The following ERBB4 variants were observed in gnomAD, a reference collection of about 807,000 sequenced individuals.
ERBB4 encodes receptor tyrosine-protein kinase erbB-4.
ERBB4 carries 42 observed loss-of-function variants against 158.0 expected under a neutral mutation model. The ratio of observed to expected loss-of-function variants is 0.27; its 90% CI spans 0.21 to 0.34. The LOEUF (loss-of-function observed/expected upper bound fraction) is 0.34, where lower values mean the gene tolerates loss of function less well. Ranked by LOEUF, ERBB4 falls within the 10% of genes least tolerant of loss-of-function variation. The pLI is 1.00. For synonymous variants in ERBB4, 583 were observed against 558.7 expected (o/e 1.04, Z -0.61); for missense variants, 1,333 against 1,624.1 (o/e 0.82, Z 3.08).
At chr2:211,803,504 G>A (rs749635211) in intron 3 of ERBB4, among the ~76,000 whole-genome samples, 1 of 152,124 alleles carries the variant, frequency 6.6e-6, no homozygotes, top group African/African-American at 2.4e-5. Context: ...AATAGAGTGA[G>A]TAGAACTATG....
intron 2 of ERBB4, among the ~76,000 whole-genome samples, chr2:211,975,019 T>C (rs1318980372): frequency 6.6e-6 from 1 of 152,072 alleles, no homozygotes. Context: ...AGCCTTGCTC[T>C]GTCACTCAGG....
At chr2:212,284,923 G>A (rs546800607) in intron 1 of ERBB4, among the ~76,000 whole-genome samples, 43 of 152,160 alleles carry the variant, frequency 2.8e-4, no homozygotes, top group Non-Finnish European at 4.9e-4. Context: ...TGAACTTTCT[G>A]GAGAGAGGTA....
intron 4 of ERBB4, among the ~76,000 whole-genome samples, chr2:211,787,072 T>G (rs982178397): frequency 6.6e-6 from 1 of 152,200 alleles, no homozygotes; most frequent in Non-Finnish European, 1.5e-5. Flanking sequence ...ATTAGGGCCA[T>G]GATGAAATTT....
intron 13 of ERBB4, among the ~76,000 whole-genome samples, chr2:211,678,312 AAC>A (rs1205962475): frequency 8.7e-4 from 10 of 11,538 alleles, no homozygotes; most frequent in African/African-American, 1.3e-3. Flanking sequence ...AAAAAAAACA[AAC>A]AAACAAAAAA....
At chr2:211,725,032 G>A (rs1301949330) in intron 6 of ERBB4, 44 bp downstream of exon 6, 1 of 1,331,272 alleles carries the variant, frequency 7.5e-7, no homozygotes, top group Non-Finnish European at 1.1e-6. Flanking sequence ...AAATAGGGAA[G>A]GAAAGGAGAG....
At chr2:212,342,761 T>C (rs546626428) in intron 1 of ERBB4, among the ~76,000 whole-genome samples, 1 of 152,354 alleles carries the variant, frequency 6.6e-6, no homozygotes, top group African/African-American at 2.4e-5. Flanking sequence ...ATCTCTTTAA[T>C]AAATCATGAA....
chr2:212,380,002 A>G (rs940702870), intron 1 of ERBB4, among the ~76,000 whole-genome samples: 2 of 148,548 alleles, frequency 1.3e-5, no homozygotes, highest in East Asian at 1.9e-4. Flanking sequence ...AGAAAATGCT[A>G]AAGAGTTGTT....
chr2:212,099,758 G>A (rs1332071081), intron 2 of ERBB4, among the ~76,000 whole-genome samples: 1 of 146,028 alleles, frequency 6.8e-6, no homozygotes, highest in Admixed American at 6.8e-5. Context: ...TTCTTTTCAG[G>A]ATGACATTAT....
At chr2:212,052,485 C>A (rs994926975) in intron 2 of ERBB4, among the ~76,000 whole-genome samples, 2 of 152,158 alleles carry the variant, frequency 1.3e-5, no homozygotes, top group African/African-American at 4.8e-5. Context: ...TTCTGTCCCC[C>A]TAGAGAACCA....
At chr2:212,175,582 T>C (rs1212617583) in intron 1 of ERBB4, among the ~76,000 whole-genome samples, 1 of 150,536 alleles carries the variant, frequency 6.6e-6, no homozygotes, top group Non-Finnish European at 1.5e-5. Flanking sequence ...CTCAACTACC[T>C]GGAACAAAGC....
At chr2:212,538,371 A>C in intron 1 of ERBB4, 78 bp downstream of exon 1, 2 of 1,284,656 alleles carry the variant, frequency 1.6e-6, no homozygotes, top group Non-Finnish European at 2.3e-6. Flanking sequence ...GGGATGGGTG[A>C]AGAGGGCAGG....
At chr2:212,405,389 T>C (rs1365594613) in intron 1 of ERBB4, among the ~76,000 whole-genome samples, 5 of 151,990 alleles carry the variant, frequency 3.3e-5, no homozygotes, top group Non-Finnish European at 5.9e-5. Context: ...CGTTAGCAGG[T>C]GTGTAAACTA....
intron 20 of ERBB4, among the ~76,000 whole-genome samples, chr2:211,463,698 G>A (rs940776776): frequency 1.8e-5 from 2 of 108,356 alleles, no homozygotes; most frequent in Admixed American, 1.1e-4. Flanking sequence ...TTTAAAACAA[G>A]TATCCTCCTC....
intron 27 of ERBB4, among the ~76,000 whole-genome samples, chr2:211,386,100 G>C (rs920862763): frequency 6.6e-6 from 1 of 152,156 alleles, no homozygotes; most frequent in African/African-American, 2.4e-5. Flanking sequence ...GACTGCGAGA[G>C]ACATGATCAT....
intron 20 of ERBB4, among the ~76,000 whole-genome samples, chr2:211,449,100 C>G (rs997947521): frequency 3.3e-5 from 5 of 152,060 alleles, no homozygotes; most frequent in Non-Finnish European, 7.4e-5. Flanking sequence ...GTACCTCCTA[C>G]AAGAAGCTTG....
rs551248283 is a variant in ERBB4, at chr2:211,777,157, T to C, written c.556+10868A>G. The C allele has an allele frequency of 5.3e-5, 8 of 152,232 alleles. No individual in the cohort carries two copies. The South Asian group carries it at 6.2e-4, about 12-fold the overall frequency. 9.4% of individuals were successfully genotyped at this position (152,232 alleles called of 1,614,324 possible). The stretch of plus-strand genomic sequence containing the variant: ...ATGCATGAGCGTATATGCGTGAGCA[T>C]ATGTGCGTGAGCATCTACTGATTAA... On this transcript the variant is annotated intron_variant, in intron 4 of 27. Transcript: ENST00000342788.
chr2:211,493,253 T>A (rs769044260), intron 20 of ERBB4, among the ~76,000 whole-genome samples: 2 of 152,112 alleles, frequency 1.3e-5, no homozygotes, highest in Non-Finnish European at 2.9e-5. Flanking sequence ...ACATCCAACA[T>A]CTTTAAAACA....
Position 212,341,088 on chromosome 2 carries a change from T to A in ERBB4, c.82+197361A>T, listed in dbSNP as rs1031797178. Reference sequence around the variant, plus strand: ...TCTTATTGGAAATCCTTTTATATTTTTTTCTCCACAAAGGACAAAGAGCTG... The same window carrying A: ...TCTTATTGGAAATCCTTTTATATTTATTTCTCCACAAAGGACAAAGAGCTG... On this transcript the variant is annotated intron_variant, in intron 1 of 27. Transcript: ENST00000342788. Among the ~76,000 whole-genome samples the A allele has an allele frequency of 3.3e-5, 5 of 152,020 alleles. No homozygotes were observed. In the East Asian group the frequency reaches 9.7e-4, roughly 29 times the overall value.
chr2:211,379,033 A>G lies in ERBB4; in HGVS notation c.*4582T>C, dbSNP rs2062529801. 1 of 231,600 alleles carries G rather than the reference A, an allele frequency of 4.3e-6. No homozygotes were observed. The highest frequency in any genetic ancestry group is 8.5e-6 in the Non-Finnish European group (1 of 117,120). 14.3% of individuals were successfully genotyped at this position (231,600 alleles called of 1,614,324 possible). ...TGGATTTCTCATTTGCCCTATAACA[A>G]TCATCATTCTAATAACTAAAGTCCA... On this transcript the variant is annotated 3_prime_UTR_variant, in exon 28 of 28. Transcript: ENST00000342788.
Sources: gnomAD v4.1 joint callset for allele counts (sites outside exome capture counted in the v4.1 genomes callset) on GRCh38, gnomAD v4.1.1 for gene constraint, MANE v1.5 for transcripts, NCBI Gene and HGNC (gene_info 2026-07-23, HGNC 2026-07-21) for gene names.